Variants in CSNK1G3 observed in about 807,000 individuals in gnomAD.
The protein encoded by CSNK1G3 is casein kinase I isoform gamma-3.
Under a neutral mutation model 64.3 loss-of-function variants are expected in CSNK1G3, and 23 were observed. That is an observed-to-expected ratio of 0.36 (90% CI 0.26 to 0.51). The LOEUF (loss-of-function observed/expected upper bound fraction) is 0.51, where lower values mean the gene tolerates loss of function less well. Among genes scored for constraint, CSNK1G3 ranks in the 20% least tolerant of loss-of-function variants. The pLI is 0.96. For synonymous variants in CSNK1G3, 158 were observed against 162.2 expected (o/e 0.97, Z 0.20); for missense variants, 357 against 510.5 (o/e 0.70, Z 2.90).
intron 6 of CSNK1G3, among the ~76,000 whole-genome samples, chr5:123,579,250 C>G (rs1256046344): frequency 1.4e-5 from 2 of 147,890 alleles, no homozygotes; most frequent in Non-Finnish European, 3.0e-5. Context: ...GTATTTTTTT[C>G]TTTTCAGACA....
intron 5 of CSNK1G3, among the ~76,000 whole-genome samples, chr5:123,573,912 A>C (rs1788619630): frequency 6.8e-6 from 1 of 146,820 alleles, no homozygotes. Flanking sequence ...AGCGGTGGCG[A>C]GATCTTGGCT....
intron 4 of CSNK1G3, among the ~76,000 whole-genome samples, chr5:123,558,863 G>A (rs916739611): frequency 1.1e-4 from 17 of 152,260 alleles, no homozygotes; most frequent in Admixed American, 7.2e-4. Context: ...CATGTACTTG[G>A]AAATTCAAGG....
intron 10 of CSNK1G3, among the ~76,000 whole-genome samples, chr5:123,597,575 T>C (rs933068211): frequency 2.0e-5 from 3 of 152,128 alleles, no homozygotes; most frequent in Non-Finnish European, 4.4e-5. Flanking sequence ...AGATGAAACC[T>C]CTTGCCATTT....
chr5:123,608,987 A>C (rs1481733262), intron 12 of CSNK1G3, among the ~76,000 whole-genome samples: 1 of 152,160 alleles, frequency 6.6e-6, no homozygotes, highest in Non-Finnish European at 1.5e-5. Flanking sequence ...ATGCATTTAC[A>C]CTAGTTCTCA....
chr5:123,596,561 C>G (rs1307608991), intron 10 of CSNK1G3, among the ~76,000 whole-genome samples: 2 of 151,966 alleles, frequency 1.3e-5, no homozygotes, highest in Non-Finnish European at 1.5e-5. Context: ...TGAGGTGGCT[C>G]GTGGGATTCC....
chr5:123,608,904 A>C (rs1398176208), intron 12 of CSNK1G3, among the ~76,000 whole-genome samples: 1 of 152,156 alleles, frequency 6.6e-6, no homozygotes, highest in East Asian at 1.9e-4. Context: ...GAAAGGGATA[A>C]TTTTTACTGG....
At chr5:123,520,543 T>G (rs896050081) in intron 1 of CSNK1G3, among the ~76,000 whole-genome samples, 9 of 151,944 alleles carry the variant, frequency 5.9e-5, no homozygotes, top group Admixed American at 5.9e-4. Flanking sequence ...GTTTAGATTT[T>G]AATATATAAC....
chr5:123,548,171 T>A (rs1171728848), intron 2 of CSNK1G3, among the ~76,000 whole-genome samples: 1 of 152,014 alleles, frequency 6.6e-6, no homozygotes, highest in East Asian at 1.9e-4. Flanking sequence ...AACTTGAGAC[T>A]TGTGGTGCTT....
chr5:123,564,936 T>TA (rs1786536565), intron 4 of CSNK1G3, among the ~76,000 whole-genome samples: 1 of 152,180 alleles, frequency 6.6e-6, no homozygotes, highest in Non-Finnish European at 1.5e-5. Flanking sequence ...TTTATGCTCT[T>TA]ACCCTTTTTG....
chr5:123,516,664 G>A (rs1055635388), intron 1 of CSNK1G3, among the ~76,000 whole-genome samples: 3 of 152,044 alleles, frequency 2.0e-5, no homozygotes, highest in Non-Finnish European at 4.4e-5. Context: ...TTTTTTGGTC[G>A]CTTTGTTTAC....
intron 1 of CSNK1G3, among the ~76,000 whole-genome samples, chr5:123,536,772 C>G (rs1190470197): frequency 2.0e-5 from 3 of 151,938 alleles, no homozygotes; most frequent in Non-Finnish European, 4.4e-5. Context: ...TATTAGTGGG[C>G]AAAGGACATG....
chr5:123,530,844 A>G (rs953298903), intron 1 of CSNK1G3, among the ~76,000 whole-genome samples: 1 of 152,188 alleles, frequency 6.6e-6, no homozygotes, highest in African/African-American at 2.4e-5. Context: ...TTGACATTAC[A>G]GTTAATGATT....
chr5:123,591,289 G>T, intron 9 of CSNK1G3, 30 bp from the exon 10 acceptor site: 1 of 1,359,268 alleles, frequency 7.4e-7, no homozygotes, highest in Non-Finnish European at 1.0e-6. Flanking sequence ...AAAATGGAAT[G>T]TATTGATACC....
At chr5:123,573,265 G>T in intron 4 of CSNK1G3, 128 bp from the exon 5 acceptor site, 1 of 943,888 alleles carries the variant, frequency 1.1e-6, no homozygotes, top group South Asian at 1.6e-5. Context: ...GGAAAAGTAT[G>T]TATCTGGAAA....
intron 1 of CSNK1G3, among the ~76,000 whole-genome samples, chr5:123,515,643 T>C (rs1030222393): frequency 1.3e-5 from 2 of 151,988 alleles, no homozygotes; most frequent in Non-Finnish European, 2.9e-5. Flanking sequence ...AAAGGAGTGC[T>C]TAGAAAAAAA....
At position 123,586,314 on chromosome 5, in the gene CSNK1G3, C is replaced by T. The variant is rs370551202; in HGVS notation, c.674-1754C>T. ...AGACATTTTGGAGCATTAGAAATGCCTCTTGATTGTGGTGGTAGTTATGCA... is the reference window on the plus strand; with the variant it reads ...AGACATTTTGGAGCATTAGAAATGCTTCTTGATTGTGGTGGTAGTTATGCA... On this transcript the variant is annotated intron_variant, in intron 6 of 12. Transcript: ENST00000345990. Among the ~76,000 whole-genome samples the T allele has an allele frequency of 5.9e-5, 9 of 152,178 alleles. No homozygotes were observed. The South Asian group carries it at 1.2e-3, about 21-fold the overall frequency.
exon 1 of CSNK1G3, chr5:123,512,362 G>C (rs1161849416): frequency 6.6e-6 from 1 of 152,494 alleles, no homozygotes; most frequent in Non-Finnish European, 1.5e-5. Context: ...TGCAGGGACC[G>C]AATCCGAGCA....
intron 9 of CSNK1G3, among the ~76,000 whole-genome samples, chr5:123,590,996 G>A (rs1417255435): frequency 6.6e-6 from 1 of 151,884 alleles, no homozygotes; most frequent in Non-Finnish European, 1.5e-5. Context: ...TTGGAAATGA[G>A]AGGCATAAAC....
chr5:123,575,907 A>G, exon 6 of CSNK1G3: 1 of 1,613,596 alleles, frequency 6.2e-7, no homozygotes, highest in South Asian at 1.1e-5. Flanking sequence ...TACAGAGAAC[A>G]CAAGAGCCTT....
Sources: allele counts gnomAD v4.1 joint callset (sites outside exome capture counted in the v4.1 genomes callset), GRCh38; gene constraint gnomAD v4.1.1; transcripts MANE v1.5; gene names NCBI Gene and HGNC (gene_info 2026-07-23, HGNC 2026-07-21).